LRRTM4: variants seen among roughly 807,000 people sequenced by gnomAD.
LRRTM4 encodes the protein leucine rich repeat transmembrane neuronal 4, also known as leucine-rich repeat transmembrane neuronal protein 4.
LRRTM4 carries 25 observed loss-of-function variants against 47.6 expected under a neutral mutation model. The observed-to-expected ratio is 0.53, with a 90% CI of 0.38 to 0.73. The LOEUF is 0.73. Among genes scored for constraint, LRRTM4 ranks in the 30% least tolerant of loss-of-function variants. The pLI is 0.00. For missense variants in LRRTM4, 638 were observed against 713.4 expected (o/e 0.89, Z 1.20); for synonymous variants, 311 against 269.5 (o/e 1.15, Z -1.51).
chr2:76,967,952 T>C (rs1676083417), intron 3 of LRRTM4, among the ~76,000 whole-genome samples: 1 of 151,608 alleles, frequency 6.6e-6, no homozygotes, highest in Non-Finnish European at 1.5e-5. Context: ...CAGTTCCCAA[T>C]GCATTACAGT....
At chr2:77,266,975 G>C (rs1244249143) in intron 3 of LRRTM4, among the ~76,000 whole-genome samples, 1 of 152,090 alleles carries the variant, frequency 6.6e-6, no homozygotes, top group Non-Finnish European at 1.5e-5. Context: ...ACTGACATTT[G>C]ATCAAAGGGG....
Position 77,521,653 on chromosome 2 carries a change from C to A in LRRTM4, c.4+15G>T, listed in dbSNP as rs777512135. The A allele has an allele frequency of 2.5e-6, 4 of 1,612,204 alleles. No homozygotes were observed. The South Asian group carries it at 4.4e-5, about 18-fold the overall frequency. On this transcript the variant is annotated intron_variant, in intron 2 of 3. Coordinates refer to ENST00000409884, the MANE Select transcript of LRRTM4 (RefSeq NM_001134745.3). ...ATCAGCTTTGCTCAGAAGGAAACAA[C>A]AAAAGTTCACTTACCCATCCTTTGT...
In LRRTM4 at chr2:77,418,749, T is replaced by C. The variant is rs74995955; in HGVS notation, c.1551+99569A>G. Among the ~76,000 whole-genome samples the C allele has an allele frequency of 2.8e-4, 42 of 152,300 alleles. No homozygotes were observed. In the East Asian group the frequency reaches 7.9e-3, roughly 29 times the overall value. ...TTGTTCTTCCAGCCTGAGTTGTTTT[T>C]CTCCTGAGTCATACACATGACTTTG... On this transcript the variant is annotated intron_variant, in intron 3 of 3. Coordinates refer to ENST00000409884, the MANE Select transcript of LRRTM4 (RefSeq NM_001134745.3).
Position 76,780,094 on chromosome 2 carries a change from C to G in LRRTM4, c.1552-31178G>C, listed in dbSNP as rs560836104. 9.0e-4 allele frequency among the ~76,000 whole-genome samples: 137 copies of G among 152,340 alleles called. 1 individual carries two copies. Among genetic ancestry groups the G allele is most frequent in the Middle Eastern group, 6.8e-3 (2 of 294 alleles). Reference sequence around the variant, plus strand: ...TATGAATGTTGAATATTGGCCCCCACTCTCTTCTGGCTTGCAGGGTTTCTG... The same window carrying G: ...TATGAATGTTGAATATTGGCCCCCAGTCTCTTCTGGCTTGCAGGGTTTCTG... On this transcript the variant is annotated intron_variant, in intron 3 of 3. Transcript: ENST00000409884.
intron 3 of LRRTM4, among the ~76,000 whole-genome samples, chr2:77,392,997 C>A (rs1250636709): frequency 6.6e-6 from 1 of 151,828 alleles, no homozygotes; most frequent in Non-Finnish European, 1.5e-5. Flanking sequence ...ATAGTTTTTA[C>A]TTTTCGGTTA....
In LRRTM4 at chr2:77,519,505, T is replaced by C. The variant is rs1246673238; in HGVS notation, c.364A>G (p.Thr122Ala). Residue 122 changes from threonine (T) to alanine (A), a missense_variant, in exon 3 of 4, where the codon ACT (threonine) becomes GCT (alanine). Transcript: ENST00000409884. This position sits in a 1 kb window ranked among gnomAD's most constrained non-coding sequence, Gnocchi z 4.6. ...TGAAATGTTTTATTGTGCAGATAAGTAATTTTGTTGGAGCTTAGAATTAAT... is the reference window on the plus strand; with the variant it reads ...TGAAATGTTTTATTGTGCAGATAAGCAATTTTGTTGGAGCTTAGAATTAAT... ...KELILSSNKITYLHNKTFHPV... is the reference protein window; with the variant it reads ...KELILSSNKIAYLHNKTFHPV... 1 of 1,613,412 alleles carries C rather than the reference T, an allele frequency of 6.2e-7. No homozygotes were observed. The highest frequency in any genetic ancestry group is 1.3e-5 in the African/African-American group (1 of 75,004).
intron 3 of LRRTM4, among the ~76,000 whole-genome samples, chr2:77,267,048 T>C (rs1375779352): frequency 6.6e-6 from 1 of 152,158 alleles, no homozygotes; most frequent in African/African-American, 2.4e-5. Flanking sequence ...TCCTGCTCTC[T>C]GTACAGTTGA....
chr2:77,427,130 C>A (rs181937076), intron 3 of LRRTM4, among the ~76,000 whole-genome samples: 1 of 152,132 alleles, frequency 6.6e-6, no homozygotes, highest in African/African-American at 2.4e-5. Context: ...AGGTGCGCAC[C>A]ACCACACCCA....
At chr2:76,803,942 T>G (rs1055955119) in intron 3 of LRRTM4, among the ~76,000 whole-genome samples, 2 of 152,234 alleles carry the variant, frequency 1.3e-5, no homozygotes, top group Admixed American at 6.5e-5. Flanking sequence ...ACTTGAAGAC[T>G]GAGTCTCTAG....
intron 3 of LRRTM4, among the ~76,000 whole-genome samples, chr2:77,294,660 G>A (rs1676922007): frequency 6.6e-6 from 1 of 152,118 alleles, no homozygotes; most frequent in East Asian, 1.9e-4. Context: ...AGTGTGACCT[G>A]AATGGCTCCC....
intron 3 of LRRTM4, among the ~76,000 whole-genome samples, chr2:76,941,557 A>G (rs959856134): frequency 4.6e-5 from 7 of 151,752 alleles, no homozygotes; most frequent in South Asian, 4.1e-4. Flanking sequence ...GAGTGAGAAC[A>G]TGCGATTTTT....
intron 3 of LRRTM4, among the ~76,000 whole-genome samples, chr2:77,456,643 A>G (rs1676553036): frequency 6.6e-6 from 1 of 151,968 alleles, no homozygotes; most frequent in Non-Finnish European, 1.5e-5. Flanking sequence ...TGTGCCTTAC[A>G]TCTCCAATAG....
intron 3 of LRRTM4, among the ~76,000 whole-genome samples, chr2:77,165,075 TAAA>T (rs1672840576): frequency 6.6e-6 from 1 of 151,416 alleles, no homozygotes; most frequent in African/African-American, 2.4e-5. Context: ...GCAAGACTAA[TAAA>T]GAAGAAAATA....
intron 3 of LRRTM4, among the ~76,000 whole-genome samples, chr2:77,514,304 G>A (rs927433952): frequency 6.6e-6 from 1 of 151,960 alleles, no homozygotes; most frequent in African/African-American, 2.4e-5. Flanking sequence ...ATGCTTAGTA[G>A]TCCTTGGAAA....
At chr2:77,131,424 G>A (rs1004108422) in intron 3 of LRRTM4, among the ~76,000 whole-genome samples, 1 of 152,108 alleles carries the variant, frequency 6.6e-6, no homozygotes, top group African/African-American at 2.4e-5. Flanking sequence ...ATAATCTGTT[G>A]TGTTAAATTC....
At chr2:77,446,405 G>A (rs1283441422) in intron 3 of LRRTM4, among the ~76,000 whole-genome samples, 2 of 151,926 alleles carry the variant, frequency 1.3e-5, no homozygotes, top group Non-Finnish European at 2.9e-5. Context: ...ATTACCCTAG[G>A]TTGAGAACAA....
intron 3 of LRRTM4, among the ~76,000 whole-genome samples, chr2:77,162,596 T>C (rs1269054083): frequency 6.6e-6 from 1 of 152,128 alleles, no homozygotes; most frequent in Non-Finnish European, 1.5e-5. Context: ...ACCCCTCATA[T>C]GGCCTGGTGT....
intron 3 of LRRTM4, among the ~76,000 whole-genome samples, chr2:77,036,540 TATC>T (rs148648229): frequency 0.01 from 1,589 of 151,900 alleles, 12 homozygotes; most frequent in Admixed American, 0.019. Context: ...CTACAATCCT[TATC>T]ATCATTTACT....
chr2:76,830,682 A>G (rs1052272580), intron 3 of LRRTM4, among the ~76,000 whole-genome samples: 4 of 151,982 alleles, frequency 2.6e-5, no homozygotes, highest in Admixed American at 6.6e-5. Flanking sequence ...AATTACCATT[A>G]ATTATCATCA....
Sources: gnomAD v4.1 joint callset for allele counts (sites outside exome capture counted in the v4.1 genomes callset) on GRCh38, gnomAD v4.1.1 for gene constraint, Gnocchi (gnomAD v3.1) non-coding constraint, MANE v1.5 for transcripts, NCBI Gene and HGNC (gene_info 2026-07-23, HGNC 2026-07-21) for gene names.